Variants in PHLDB1 observed in about 807,000 individuals in gnomAD.
PHLDB1 encodes pleckstrin homology-like domain family B member 1.
A neutral mutation model predicts 139.3 loss-of-function variants in PHLDB1; 65 were observed. The observed-to-expected ratio is 0.47, with a 90% CI of 0.38 to 0.57. The LOEUF is 0.57. Among genes scored for constraint, PHLDB1 ranks in the 20% least tolerant of loss-of-function variants. PHLDB1 has a pLI of 0.00. For missense variants in PHLDB1, 1,624 were observed against 1,839.7 expected (o/e 0.88, Z 2.14); for synonymous variants, 679 against 734.5 (o/e 0.92, Z 1.22).
intron 20 of PHLDB1, chr11:118,654,317 G>A (rs1197963222): frequency 6.6e-6 from 1 of 152,096 alleles, no homozygotes; most frequent in Non-Finnish European, 1.5e-5. Context: ...TGCCACCTCT[G>A]ACCTCCAGAG....
chr11:118,649,053 C>A (rs1344729346), intron 18 of PHLDB1, among the ~76,000 whole-genome samples: 2 of 152,144 alleles, frequency 1.3e-5, no homozygotes. Context: ...CCGAGGTACA[C>A]AGATCACTTG....
upstream of PHLDB1, among the ~76,000 whole-genome samples, chr11:118,607,381 G>A (rs532604665): frequency 1.3e-4 from 12 of 91,456 alleles, no homozygotes; most frequent in East Asian, 1.8e-3. Flanking sequence ...GGTGGTGGTG[G>A]TGGTGATGGT....
intron 22 of PHLDB1, 108 bp from the exon 23 acceptor site, chr11:118,656,575 C>T: frequency 1.0e-5 from 11 of 1,102,752 alleles, no homozygotes; most frequent in Non-Finnish European, 1.5e-5. Context: ...GACTAAGCTC[C>T]AGGGCTTTCT....
rs781793576 is a variant in PHLDB1 at position 118,625,075 on chromosome 11, G to A, written c.481+16G>A. The A allele has an allele frequency of 2.0e-5, 31 of 1,584,900 alleles. No homozygotes were observed. Among genetic ancestry groups the A allele is most frequent in the Middle Eastern group, 3.4e-4 (2 of 5,880 alleles). ...CCTGTTCCTGGTAGGTACCGACGGG[G>A]GCAGGGTGCTGGGTTGATGGTGTTC... On this transcript the variant is annotated intron_variant, in intron 5 of 22. Coordinates refer to ENST00000600882, the MANE Select transcript of PHLDB1 (RefSeq NM_001144758.3).
rs139774048 is a variant in PHLDB1 at position 118,642,331 on chromosome 11, C to T, written c.2814C>T (p.Pro938=). 2,001 of 1,612,212 alleles carry T rather than the reference C, an allele frequency of 1.2e-3. 3 individuals carry two copies. The highest frequency in any genetic ancestry group is 1.4e-3 in the Non-Finnish European group (1,662 of 1,179,902). The change falls in exon 13 of 23, where the codon CCC becomes CCT. Residue 938 remains proline, a synonymous_variant. Transcript: ENST00000600882. ...QELMAGLGTG[P]AAASPHSSPP... ...TGATGGCCGGGCTGGGGACTGGCCC[C>T]GCTGCAGCCTCCCCTCACTCTTCTC...
rs781926677 is a variant in PHLDB1, at chr11:118,650,404, G to A, written c.3772-41G>A. ...GATGGCACACACTTAAGGCTTAAGG[G>A]CTGCATATTTGGGTCCTTCCTTACT... On this transcript the variant is annotated intron_variant, in intron 19 of 22. Transcript: ENST00000600882. This position sits in a 1 kb window ranked among gnomAD's most constrained non-coding sequence, Gnocchi z 4.7. The A allele has an allele frequency of 4.8e-5, 65 of 1,348,866 alleles. 1 individual carries two copies. In the South Asian group the frequency reaches 7.3e-4, roughly 15 times the overall value. 83.6% of individuals were successfully genotyped at this position (1,348,866 alleles called of 1,614,324 possible).
chr11:118,614,776 C>T, intron 3 of PHLDB1, 94 bp downstream of exon 3: 3 of 1,325,050 alleles, frequency 2.3e-6, no homozygotes, highest in Non-Finnish European at 3.1e-6. Context: ...TGGGGCCCTT[C>T]TACTGTCTGC....
Position 118,631,343 on chromosome 11 carries a change from G to A in PHLDB1, c.1964G>A (p.Arg655Gln), listed in dbSNP as rs377760538. The change falls in exon 7 of 23, where the codon CGA (arginine) becomes CAA (glutamine). Residue 655 changes from arginine (R) to glutamine (Q), a missense_variant. Arg to Gln is a conservative substitution (Grantham distance 43, BLOSUM62 1). Coordinates refer to ENST00000600882, the MANE Select transcript of PHLDB1 (RefSeq NM_001144758.3). ...ALALAGRRPS[R>Q]GLAGASGRSS... ...GCACTGGCAGGCCGGAGGCCCTCAC[G>A]AGGCCTTGCAGGGGCCTCTGGGCGG... is the stretch of plus-strand genomic sequence containing the variant. 49 of 1,536,098 alleles carry A rather than the reference G, an allele frequency of 3.2e-5. No homozygotes were observed. The highest frequency in any genetic ancestry group is 7.5e-5 in the South Asian group (6 of 80,374).
chr11:118,613,691 C>T lies in PHLDB1; in HGVS notation c.-21-125C>T, dbSNP rs563543865. ...TTTAGCTGCCTCTATTTCCCTTCAGCATGAGCATTTGGGGAATGATGGTGA... is the reference window on the plus strand; with the variant it reads ...TTTAGCTGCCTCTATTTCCCTTCAGTATGAGCATTTGGGGAATGATGGTGA... On this transcript the variant is annotated intron_variant, in intron 1 of 22. Transcript: ENST00000600882. 3.3e-5 allele frequency: 21 copies of T among 638,662 alleles called. 1 individual carries two copies. In the South Asian group the frequency reaches 3.4e-4, roughly 10 times the overall value. The allele number at this position is 638,662 out of a possible 1,614,324, so 39.6% of individuals were successfully genotyped here. A position where few individuals can be genotyped will look rare whatever the true frequency, so the allele number is the denominator to read the frequency against.
chr11:118,656,048 G>A (rs1435662984), intron 22 of PHLDB1, among the ~76,000 whole-genome samples, 156 bp downstream of exon 22: 4 of 151,860 alleles, frequency 2.6e-5, no homozygotes, highest in Non-Finnish European at 5.9e-5. Context: ...CTGTGGGCTT[G>A]GGTGCCTCTC....
chr11:118,625,026 C>G lies in PHLDB1; in HGVS notation c.448C>G (p.Arg150Gly). 2 of 1,612,940 alleles carry G rather than the reference C, an allele frequency of 1.2e-6. No homozygotes were observed. Among genetic ancestry groups the G allele is most frequent in the Non-Finnish European group, 1.7e-6 (2 of 1,179,334 alleles). The change falls in exon 5 of 23, where the codon CGA (arginine) becomes GGA (glycine). Residue 150 changes from arginine (R) to glycine (G), a missense_variant. By Grantham distance (125) the Arg-to-Gly change is moderately radical. Coordinates refer to ENST00000600882, the MANE Select transcript of PHLDB1 (RefSeq NM_001144758.3). ...WMKSMIPAGG[R>G]APGPPYSPVP... is the part of the protein sequence containing the mutation. ...GAAAAGCATGATTCCAGCAGGGGGC[C>G]GAGCCCCTGGGCCCCCCTACAGCCC... is the stretch of plus-strand genomic sequence containing the variant.
chr11:118,607,969 C>T (rs1003285203), intron 1 of PHLDB1, among the ~76,000 whole-genome samples: 5 of 152,194 alleles, frequency 3.3e-5, no homozygotes, highest in African/African-American at 9.6e-5. Context: ...CGCTCTCCCC[C>T]CCTTGGAGAA....
At position 118,628,688 on chromosome 11, in the gene PHLDB1, C is replaced by T. The variant is rs782353444; in HGVS notation, c.1827+38C>T. 10 of 1,570,248 alleles carry T rather than the reference C, an allele frequency of 6.4e-6. No homozygotes were observed. The South Asian group carries it at 8.1e-5, about 13-fold the overall frequency. ...CAGGGAGGCTTGCCACTGTCCATGGCAGAGTCTCTGCCAGGGCTCGAGCAG... is the reference window on the plus strand; with the variant it reads ...CAGGGAGGCTTGCCACTGTCCATGGTAGAGTCTCTGCCAGGGCTCGAGCAG... On this transcript the variant is annotated intron_variant, in intron 6 of 22. Transcript: ENST00000600882.
chr11:118,613,438 T>G, intron 1 of PHLDB1: 1 of 994,284 alleles, frequency 1.0e-6, no homozygotes, highest in Non-Finnish European at 1.2e-6. Flanking sequence ...TCCTTGCTGC[T>G]TCTCCCACTA....
rs782266458 is a variant in PHLDB1 at position 118,644,159 on chromosome 11, G to A, written c.3106G>A (p.Ala1036Thr). 6.2e-7 allele frequency: 1 copy of A among 1,611,826 alleles called. No individual in the cohort carries two copies. Residue 1036 changes from alanine (A) to threonine (T), a missense_variant, in exon 15 of 23, where the codon GCT (alanine) becomes ACT (threonine). Physicochemically the swap from Ala to Thr is moderately conservative, Grantham distance 58. Transcript: ENST00000600882. Reference sequence around the variant, plus strand: ...GGACATCGAGACCAAGCGCCAACTAGCTCTGCAGCAGAAGGGTGAGTGACT... The same window carrying A: ...GGACATCGAGACCAAGCGCCAACTAACTCTGCAGCAGAAGGGTGAGTGACT... ...LQDIETKRQL[A>T]LQQKGQQVIE...
At chr11:118,641,427 G>T in intron 12 of PHLDB1, 1 of 229,870 alleles carries the variant, frequency 4.4e-6, no homozygotes, top group South Asian at 4.9e-5. Context: ...TAGCTCCTAT[G>T]GCCTGGGGAG....
chr11:118,625,809 G>A (rs1555100624), intron 5 of PHLDB1, among the ~76,000 whole-genome samples: 3 of 152,158 alleles, frequency 2.0e-5, no homozygotes, highest in African/African-American at 7.2e-5. Flanking sequence ...CAGTATCCAT[G>A]GCATCCCCTC....
chr11:118,631,968 A>G lies in PHLDB1; in HGVS notation c.2156A>G (p.Glu719Gly). The change falls in exon 8 of 23, where the codon GAG becomes GGG. Residue 719 changes from glutamate to glycine, a missense_variant. Glu to Gly is a moderately conservative substitution (Grantham distance 98). Coordinates refer to ENST00000600882, the MANE Select transcript of PHLDB1 (RefSeq NM_001144758.3). Reference sequence around the variant, plus strand: ...GGAGAGGTGCTAGCCCTGGAAGAAGAGCGGGCTCAGGTGCTGGGGCACGTG... The same window carrying G: ...GGAGAGGTGCTAGCCCTGGAAGAAGGGCGGGCTCAGGTGCTGGGGCACGTG... ...LQGEVLALEE[E>G]RAQVLGHVEQ... 1.2e-6 allele frequency: 2 copies of G among 1,614,116 alleles called. No homozygotes were observed. Among genetic ancestry groups the G allele is most frequent in the South Asian group, 1.1e-5 (1 of 91,080 alleles).
intron 20 of PHLDB1, chr11:118,653,634 C>T (rs1555139271): frequency 6.6e-6 from 1 of 152,172 alleles, no homozygotes; most frequent in East Asian, 1.9e-4. Flanking sequence ...ATTTTCCTCA[C>T]TGTGAGATTG....
Sources: allele counts gnomAD v4.1 joint callset (sites outside exome capture counted in the v4.1 genomes callset), GRCh38; gene constraint gnomAD v4.1.1; non-coding constraint Gnocchi (gnomAD v3.1); transcripts MANE v1.5; gene names NCBI Gene and HGNC (gene_info 2026-07-23, HGNC 2026-07-21).